The following NF2 variants were observed in gnomAD, a reference collection of about 807,000 sequenced individuals.
The protein encoded by NF2 is NF2, moesin-ezrin-radixin like (MERLIN) tumor suppressor.
Under a neutral mutation model 83.7 loss-of-function variants are expected in NF2, and 8 were observed. The ratio of observed to expected loss-of-function variants is 0.10; its 90% CI spans 0.06 to 0.17. NF2 has a LOEUF of 0.17. Among genes scored for constraint, NF2 ranks in the 10% least tolerant of loss-of-function variants. The pLI, the probability that NF2 is intolerant of heterozygous loss-of-function variation, is 1.00. For synonymous variants in NF2, 266 were observed against 269.6 expected (o/e 0.99, Z 0.13); for missense variants, 533 against 744.4 (o/e 0.72, Z 3.31).
At chr22:29,609,278 G>C (rs943348617) in intron 1 of NF2, 1 of 703,596 alleles carries the variant, frequency 1.4e-6, no homozygotes, top group Non-Finnish European at 2.7e-6. Context: ...TAAATTCATG[G>C]AAGATATGAT....
chr22:29,682,881 C>A (rs1243350805), intron 15 of NF2: 7 of 985,198 alleles, frequency 7.1e-6, no homozygotes, highest in Non-Finnish European at 1.1e-5. Flanking sequence ...TGGAGAGACC[C>A]CGTTCCAAGC....
At chr22:29,661,568 C>A (rs1264839289) in intron 8 of NF2, among the ~76,000 whole-genome samples, 1 of 152,172 alleles carries the variant, frequency 6.6e-6, no homozygotes, top group Admixed American at 6.5e-5. Flanking sequence ...AGGGAGAAAC[C>A]CCAAAGAATA....
intron 10 of NF2, among the ~76,000 whole-genome samples, chr22:29,670,127 T>A (rs1318254776): frequency 1.3e-5 from 2 of 152,042 alleles, no homozygotes; most frequent in Non-Finnish European, 2.9e-5. Context: ...GCCCCTCAAG[T>A]AGCTGGGACT....
chr22:29,683,118 C>T (rs2067188206), intron 15 of NF2: 2 of 1,614,180 alleles, frequency 1.2e-6, no homozygotes, highest in South Asian at 2.2e-5. Flanking sequence ...CTCTGTGATA[C>T]TAACCCGTGC....
intron 9 of NF2, 115 bp from the exon 10 acceptor site, chr22:29,668,218 A>G (rs973157343): frequency 1.3e-6 from 1 of 744,228 alleles, no homozygotes. Flanking sequence ...CTATGCATTC[A>G]TCTTCACGTT....
At chr22:29,661,167 G>C (rs755696178) in intron 7 of NF2, 38 bp from the exon 8 acceptor site, 1 of 1,613,896 alleles carries the variant, frequency 6.2e-7, no homozygotes, top group Non-Finnish European at 8.5e-7. Context: ...TTGAGCCTCA[G>C]CTGGCGCTTA....
intron 14 of NF2, among the ~76,000 whole-genome samples, chr22:29,680,623 C>G (rs959951456): frequency 2.6e-5 from 4 of 152,250 alleles, no homozygotes; most frequent in African/African-American, 9.6e-5. Context: ...GATGCTGTCA[C>G]TCAGTGTTAT....
intron 1 of NF2, among the ~76,000 whole-genome samples, chr22:29,635,623 C>T (rs184348264): frequency 9.2e-5 from 14 of 152,260 alleles, no homozygotes; most frequent in South Asian, 8.3e-4. Context: ...CCACCACGCC[C>T]GGCTGCCTAA....
chr22:29,614,704 A>G (rs781723605), intron 1 of NF2, among the ~76,000 whole-genome samples: 2 of 152,050 alleles, frequency 1.3e-5, no homozygotes, highest in Non-Finnish European at 2.9e-5. Flanking sequence ...ATTGCACTCT[A>G]GCCTGGGTGA....
chr22:29,672,061 ATTTCAGCTTTG>A, intron 11 of NF2, 113 bp downstream of exon 11: 1 of 1,496,490 alleles, frequency 6.7e-7, no homozygotes, highest in Admixed American at 1.8e-5. Context: ...GAAATACTTA[ATTTCAGCTTTG>A]AAAAAATCAG....
intron 11 of NF2, 132 bp downstream of exon 11, chr22:29,672,080 CA>C: frequency 7.4e-7 from 1 of 1,356,362 alleles, no homozygotes. Context: ...TTGAAAAAAT[CA>C]GTGCCTTTTC....
chr22:29,607,963 G>A (rs1259119359), intron 1 of NF2, among the ~76,000 whole-genome samples: 3 of 151,484 alleles, frequency 2.0e-5, no homozygotes, highest in Admixed American at 6.6e-5. Flanking sequence ...ACCTGAGGTC[G>A]GGAGTTCGAG....
intron 5 of NF2, among the ~76,000 whole-genome samples, chr22:29,655,057 C>T (rs754093503): frequency 1.3e-4 from 20 of 151,820 alleles, no homozygotes; most frequent in African/African-American, 3.6e-4. Context: ...TTTGCAGTGG[C>T]GAGGGGCGGA....
chr22:29,615,458 A>C (rs1282269027), intron 1 of NF2, among the ~76,000 whole-genome samples: 2 of 152,082 alleles, frequency 1.3e-5, no homozygotes, highest in Non-Finnish European at 2.9e-5. Flanking sequence ...CTGTAGTCTT[A>C]GTTACTTGGG....
At chr22:29,609,954 C>T (rs556307584) in intron 1 of NF2, among the ~76,000 whole-genome samples, 156 of 151,812 alleles carry the variant, frequency 1.0e-3, no homozygotes, top group African/African-American at 3.3e-3. Flanking sequence ...TGTTTATATG[C>T]TTGGTAATAT....
chr22:29,644,335 G>A (rs1283179753), intron 4 of NF2, among the ~76,000 whole-genome samples: 25 of 149,216 alleles, frequency 1.7e-4, no homozygotes, highest in South Asian at 2.2e-4. Flanking sequence ...CGGCCGGGCA[G>A]AGACGCTCCT....
chr22:29,625,800 T>A (rs2065351787), intron 1 of NF2, among the ~76,000 whole-genome samples: 1 of 152,214 alleles, frequency 6.6e-6, no homozygotes. Flanking sequence ...AAAGACAGCC[T>A]TTTCTCTTCC....
intron 1 of NF2, among the ~76,000 whole-genome samples, chr22:29,616,027 G>A (rs2065073036): frequency 6.6e-6 from 1 of 152,152 alleles, no homozygotes. Context: ...GCTTCAACAT[G>A]GATGGACCTT....
In NF2 at chr22:29,654,690, G is replaced by C. The variant is rs1303879665; in HGVS notation, c.481G>C (p.Gly161Arg). ...CTACGACCCCAGTGTTCACAAGCGG[G>C]GATTTTTGGCCCAAGAGGAATTGCT... ...GDYDPSVHKR[G>R]FLAQEELLPK... The change falls in exon 5 of 16, where the codon GGA becomes CGA. Residue 161 changes from glycine (G) to arginine (R), a missense_variant. Gly to Arg is a moderately radical substitution (Grantham distance 125). Around this residue, in one of 3 missense-constraint regions of NF2, gnomAD observed 326 missense variants for 475.1 expected, o/e 0.69. Coordinates refer to ENST00000338641, the MANE Select transcript of NF2 (RefSeq NM_000268.4). 1 of 1,613,948 alleles carries C rather than the reference G, an allele frequency of 6.2e-7. No homozygotes were observed. Among genetic ancestry groups the C allele is most frequent in the South Asian group, 1.1e-5 (1 of 91,068 alleles).
Sources: gnomAD v4.1 joint callset for allele counts (sites outside exome capture counted in the v4.1 genomes callset) on GRCh38, gnomAD v4.1.1 for gene constraint, gnomAD v4.1.1 regional missense constraint, MANE v1.5 for transcripts, NCBI Gene and HGNC (gene_info 2026-07-23, HGNC 2026-07-21) for gene names.